Variants in RPAP2 observed in about 807,000 individuals in gnomAD.
RPAP2 encodes the protein putative RNA polymerase II subunit B1 CTD phosphatase RPAP2.
A neutral mutation model predicts 73.1 loss-of-function variants in RPAP2; 52 were observed. That is an observed-to-expected ratio of 0.71 (90% CI 0.57 to 0.90). RPAP2 has a LOEUF of 0.90. Ranked by LOEUF, RPAP2 falls within the 40% of genes least tolerant of loss-of-function variation. The pLI, the probability that RPAP2 is intolerant of heterozygous loss-of-function variation, is 0.00. For synonymous variants in RPAP2, 225 were observed against 242.1 expected, an observed-to-expected ratio of 0.93 and a Z score of 0.65; for missense variants, 598 against 701.8, an observed-to-expected ratio of 0.85 and a Z score of 1.67.
intron 11 of RPAP2, among the ~76,000 whole-genome samples, chr1:92,377,889 T>G (rs907717629): frequency 1.3e-5 from 2 of 152,206 alleles, no homozygotes; most frequent in African/African-American, 4.8e-5. Flanking sequence ...TAGAGAAGTA[T>G]TATTATTCCT....
At chr1:92,311,061 A>G (rs1175100920) in intron 6 of RPAP2, among the ~76,000 whole-genome samples, 1 of 152,166 alleles carries the variant, frequency 6.6e-6, no homozygotes, top group Non-Finnish European at 1.5e-5. Flanking sequence ...AATGCCTCTG[A>G]TATTTTCTAC....
intron 8 of RPAP2, among the ~76,000 whole-genome samples, chr1:92,326,528 A>G (rs947083263): frequency 6.6e-6 from 1 of 152,124 alleles, no homozygotes; most frequent in Non-Finnish European, 1.5e-5. Context: ...AACTCCCAAG[A>G]ATATATGCCC....
chr1:92,390,133 G>C lies in RPAP2; in HGVS notation c.*3122G>C, dbSNP rs1249625515. The C allele has an allele frequency of 1.3e-5, 2 of 152,152 alleles. No homozygotes were observed. The highest frequency in any genetic ancestry group is 4.8e-5 in the African/African-American group (2 of 41,422). The allele number at this position is 152,152 out of a possible 1,614,324, so 9.4% of individuals were successfully genotyped here. A position where few individuals can be genotyped will look rare whatever the true frequency, so the allele number is the denominator to read the frequency against. ...TTGAAATGAAGGAAAAACTGTTAAG[G>C]GCAGCCAGAGAGAAAGGTCAGGTTA... On this transcript the variant is annotated 3_prime_UTR_variant, in exon 13 of 13. Transcript: ENST00000610020.
intron 11 of RPAP2, among the ~76,000 whole-genome samples, chr1:92,374,171 C>CA (rs1655293178): frequency 6.6e-6 from 1 of 151,966 alleles, no homozygotes; most frequent in South Asian, 2.1e-4. Context: ...GAGAAGCCAA[C>CA]AAGAGAGATT....
chr1:92,322,283 G>T (rs1652323243), intron 7 of RPAP2, among the ~76,000 whole-genome samples: 2 of 150,750 alleles, frequency 1.3e-5, no homozygotes, highest in African/African-American at 4.9e-5. Flanking sequence ...AAAAAGGTCA[G>T]CCAGTAATCC....
At chr1:92,366,584 C>A (rs1445428122) in intron 11 of RPAP2, among the ~76,000 whole-genome samples, 1 of 152,092 alleles carries the variant, frequency 6.6e-6, no homozygotes, top group African/African-American at 2.4e-5. Context: ...TTCGGTGTCT[C>A]ACTAATGGAG....
At position 92,391,884 on chromosome 1, in the gene RPAP2, A is replaced by T. The variant is rs1319891358; in HGVS notation, c.*4873A>T. 6.6e-6 allele frequency: 1 copy of T among 152,246 alleles called. No individual in the cohort carries two copies. The highest frequency in any genetic ancestry group is 2.4e-5 in the African/African-American group (1 of 41,462). The allele number at this position is 152,246 out of a possible 1,614,324, so 9.4% of individuals were successfully genotyped here. ...AGTAACAGGTTCTGAAATTGAGGCA[A>T]TAATTAATAGCCTACCAACCAAAAA... On this transcript the variant is annotated 3_prime_UTR_variant, in exon 13 of 13. Transcript: ENST00000610020.
At chr1:92,356,103 T>G (rs1654449004) in intron 11 of RPAP2, among the ~76,000 whole-genome samples, 1 of 152,120 alleles carries the variant, frequency 6.6e-6, no homozygotes, top group Non-Finnish European at 1.5e-5. Context: ...GTGGGCCTTT[T>G]TTTCCTCATC....
intron 11 of RPAP2, among the ~76,000 whole-genome samples, chr1:92,346,305 A>G (rs911714200): frequency 6.6e-6 from 1 of 151,822 alleles, no homozygotes; most frequent in Non-Finnish European, 1.5e-5. Context: ...CTGGGACTAT[A>G]GTCACACACC....
Position 92,399,513 on chromosome 1 carries a change from C to G in RPAP2, c.*12502C>G, listed in dbSNP as rs909307718. ...AAAAGCCAGTCCCCTAGATGCCCATCTGACCCTACCTTACTGGGGTCATAC... is the reference window on the plus strand; with the variant it reads ...AAAAGCCAGTCCCCTAGATGCCCATGTGACCCTACCTTACTGGGGTCATAC... On this transcript the variant is annotated 3_prime_UTR_variant, in exon 13 of 13. Coordinates refer to ENST00000610020, the MANE Select transcript of RPAP2 (RefSeq NM_024813.3). 3.3e-5 allele frequency: 5 copies of G among 152,208 alleles called. No individual in the cohort carries two copies. The highest frequency in any genetic ancestry group is 5.9e-5 in the Non-Finnish European group (4 of 68,040). 9.4% of individuals were successfully genotyped at this position (152,208 alleles called of 1,614,324 possible). A position where few individuals can be genotyped will look rare whatever the true frequency, so the allele number is the denominator to read the frequency against.
chr1:92,384,350 G>A lies in RPAP2; in HGVS notation c.*-2661G>A, dbSNP rs187239577. 4.5e-4 allele frequency among the ~76,000 whole-genome samples: 69 copies of A among 151,858 alleles called. 1 individual carries two copies. Among genetic ancestry groups the A allele is most frequent in the African/African-American group, 1.5e-3 (61 of 41,436 alleles). On this transcript the variant is annotated intron_variant, in intron 12 of 12. Coordinates refer to ENST00000610020, the MANE Select transcript of RPAP2 (RefSeq NM_024813.3). ...TAAGAAAGAATACCAGACCGGGTGC[G>A]CAGTGGCTAATGCCTGTAATCCCAG... is the stretch of plus-strand genomic sequence containing the variant.
At chr1:92,375,807 G>C (rs1655363858) in intron 11 of RPAP2, among the ~76,000 whole-genome samples, 2 of 151,894 alleles carry the variant, frequency 1.3e-5, no homozygotes, top group African/African-American at 4.8e-5. Context: ...CCCCAGCCTG[G>C]GTGACAGGGT....
At position 92,304,080 on chromosome 1, in the gene RPAP2, G is replaced by C; in HGVS notation, c.333+5G>C. On this transcript the variant is annotated splice_donor_5th_base_variant and intron_variant, in intron 4 of 12. Transcript: ENST00000610020. Reference sequence around the variant, plus strand: ...TGTCAGAAGAAGCTGGGAATTGTAAGTAACTCATTTTTTTTAAAATATAGG... The same window carrying C: ...TGTCAGAAGAAGCTGGGAATTGTAACTAACTCATTTTTTTTAAAATATAGG... 1 of 1,580,448 alleles carries C rather than the reference G, an allele frequency of 6.3e-7. No homozygotes were observed. The highest frequency in any genetic ancestry group is 8.6e-7 in the Non-Finnish European group (1 of 1,160,288).
intron 1 of RPAP2, 128 bp downstream of exon 1, chr1:92,299,274 G>A: frequency 2.1e-6 from 1 of 469,866 alleles, no homozygotes; most frequent in Admixed American, 4.2e-5. Flanking sequence ...GGTAGAGTAG[G>A]CCGAAAGCTT....
chr1:92,386,243 T>C (rs2101460164), intron 12 of RPAP2, among the ~76,000 whole-genome samples: 1 of 152,314 alleles, frequency 6.6e-6, no homozygotes, highest in South Asian at 2.1e-4. Context: ...GTGAGAGGAT[T>C]ATACAAGGGC....
At chr1:92,323,347 C>A in intron 7 of RPAP2, 98 bp from the exon 8 acceptor site, 3 of 731,066 alleles carry the variant, frequency 4.1e-6, no homozygotes, top group Non-Finnish European at 6.3e-6. Flanking sequence ...TTGAAAGTTA[C>A]AATGTATAAA....
intron 11 of RPAP2, among the ~76,000 whole-genome samples, chr1:92,375,023 T>TAAGTA (rs1470073392): frequency 1.3e-5 from 2 of 152,196 alleles, no homozygotes; most frequent in Non-Finnish European, 2.9e-5. Context: ...GAATCTGTGC[T>TAAGTA]ATTAAGTAAT....
chr1:92,354,692 C>G (rs1467998262), intron 11 of RPAP2, among the ~76,000 whole-genome samples: 1 of 151,828 alleles, frequency 6.6e-6, no homozygotes, highest in African/African-American at 2.4e-5. Context: ...AAGTTTTTAT[C>G]TCTGTTTTCT....
At chr1:92,329,042 G>A (rs1206245419) in intron 8 of RPAP2, among the ~76,000 whole-genome samples, 1 of 152,216 alleles carries the variant, frequency 6.6e-6, no homozygotes, top group East Asian at 1.9e-4. Context: ...GGAGGTACAG[G>A]GGAGTGAAGT....
Sources: gnomAD v4.1 joint callset for allele counts (sites outside exome capture counted in the v4.1 genomes callset) on GRCh38, gnomAD v4.1.1 for gene constraint, MANE v1.5 for transcripts, NCBI Gene and HGNC (gene_info 2026-07-23, HGNC 2026-07-21) for gene names.